PTPRM: variants seen among roughly 807,000 people sequenced by gnomAD.
PTPRM encodes protein tyrosine phosphatase receptor type M.
Under a neutral mutation model 186.7 loss-of-function variants are expected in PTPRM, and 47 were observed. That is an observed-to-expected ratio of 0.25 (90% confidence interval 0.20 to 0.32). The LOEUF (loss-of-function observed/expected upper bound fraction) is 0.32, where lower values mean the gene tolerates loss of function less well. Among genes scored for constraint, PTPRM ranks in the 10% least tolerant of loss-of-function variants. The pLI, the probability that PTPRM is intolerant of heterozygous loss-of-function variation, is 1.00. For synonymous variants in PTPRM, 668 were observed against 674.9 expected (o/e 0.99, Z 0.16); for missense variants, 1,494 against 1,865.0 (o/e 0.80, Z 3.66).
At chr18:7,594,042 G>A (rs1262772540) in intron 1 of PTPRM, among the ~76,000 whole-genome samples, 1 of 152,132 alleles carries the variant, frequency 6.6e-6, no homozygotes, top group Non-Finnish European at 1.5e-5. Flanking sequence ...AAGTAGCTTT[G>A]TCACTCTATA....
intron 1 of PTPRM, among the ~76,000 whole-genome samples, chr18:7,663,185 G>A (rs982790397): frequency 1.2e-4 from 18 of 152,266 alleles, no homozygotes; most frequent in African/African-American, 4.1e-4. Flanking sequence ...ATGGACATAA[G>A]GAAAGGTCAC....
intron 1 of PTPRM, among the ~76,000 whole-genome samples, chr18:7,608,746 T>C (rs112147027): frequency 3.7e-4 from 56 of 152,272 alleles, no homozygotes; most frequent in Admixed American, 6.5e-4. Flanking sequence ...GACAACCACA[T>C]CCAACTGCCC....
chr18:8,021,534 G>A (rs986047780), intron 7 of PTPRM, among the ~76,000 whole-genome samples: 3 of 151,738 alleles, frequency 2.0e-5, no homozygotes, highest in African/African-American at 4.8e-5. Context: ...CCCACTCCTC[G>A]AAAGGCCCTG....
intron 9 of PTPRM, among the ~76,000 whole-genome samples, chr18:8,082,521 C>T (rs970260778): frequency 2.8e-5 from 4 of 144,200 alleles, no homozygotes; most frequent in African/African-American, 7.7e-5. Flanking sequence ...CTCCCTCTCA[C>T]CCTCCCTCCC....
chr18:7,805,615 A>G (rs2044196008), intron 2 of PTPRM, among the ~76,000 whole-genome samples: 1 of 152,196 alleles, frequency 6.6e-6, no homozygotes, highest in Non-Finnish European at 1.5e-5. Context: ...TTTACTCAAT[A>G]CTTACTTGTT....
At chr18:8,137,348 C>G in intron 13 of PTPRM, among the ~76,000 whole-genome samples, 1 of 152,200 alleles carries the variant, frequency 6.6e-6, no homozygotes, top group South Asian at 2.1e-4. Context: ...ACAGCCCCAG[C>G]TGGCCATGTA....
intron 32 of PTPRM, chr18:8,403,730 T>C: frequency 6.6e-6 from 1 of 152,178 alleles, no homozygotes; most frequent in Non-Finnish European, 1.5e-5. Context: ...CACTCCCCAT[T>C]ACCCACTTCC....
chr18:8,122,989 T>C (rs2092228667), intron 13 of PTPRM, among the ~76,000 whole-genome samples: 1 of 152,236 alleles, frequency 6.6e-6, no homozygotes, highest in African/African-American at 2.4e-5. Flanking sequence ...CTTAGAGTCA[T>C]GGAGTTGAAC....
At chr18:8,028,420 G>C (rs2085716011) in intron 7 of PTPRM, among the ~76,000 whole-genome samples, 1 of 152,120 alleles carries the variant, frequency 6.6e-6, no homozygotes. Context: ...CATAATGCTT[G>C]GGCCCTTAGT....
chr18:8,174,604 C>T (rs1010885564), intron 14 of PTPRM, among the ~76,000 whole-genome samples: 3 of 151,930 alleles, frequency 2.0e-5, no homozygotes, highest in Non-Finnish European at 2.9e-5. Context: ...CAGTAAGAGG[C>T]GAGGGAAATC....
At chr18:8,079,659 T>A (rs974900770) in intron 9 of PTPRM, among the ~76,000 whole-genome samples, 1 of 152,126 alleles carries the variant, frequency 6.6e-6, no homozygotes, top group African/African-American at 2.4e-5. Context: ...ACCAGATTCA[T>A]GATCTAAACA....
intron 32 of PTPRM, among the ~76,000 whole-genome samples, chr18:8,399,253 C>G (rs2095859873): frequency 6.6e-6 from 1 of 152,192 alleles, no homozygotes; most frequent in African/African-American, 2.4e-5. Flanking sequence ...ACTTCTTTAT[C>G]ATGGCAGCTC....
At chr18:8,384,459 TAA>T in intron 29 of PTPRM, 100 bp from the exon 30 acceptor site, 2 of 1,323,910 alleles carry the variant, frequency 1.5e-6, no homozygotes, top group South Asian at 1.3e-5. Flanking sequence ...CCCTATCTCT[TAA>T]AAAAAAAGGA....
At chr18:8,139,079 C>A (rs1055894338) in intron 13 of PTPRM, among the ~76,000 whole-genome samples, 1 of 152,160 alleles carries the variant, frequency 6.6e-6, no homozygotes, top group African/African-American at 2.4e-5. Flanking sequence ...GATCTCTCCC[C>A]TGTATATCCA....
chr18:8,089,111 TGAG>T (rs2090581326), intron 11 of PTPRM, among the ~76,000 whole-genome samples: 1 of 152,148 alleles, frequency 6.6e-6, no homozygotes, highest in South Asian at 2.1e-4. Context: ...ACTAGTCTGT[TGAG>T]GAGGTAGTTT....
chr18:7,696,724 C>T (rs1237499721), intron 1 of PTPRM, among the ~76,000 whole-genome samples: 4 of 152,296 alleles, frequency 2.6e-5, no homozygotes, highest in East Asian at 1.9e-4. Context: ...CACGGTGTCC[C>T]GTCTGTTCTT....
intron 20 of PTPRM, among the ~76,000 whole-genome samples, chr18:8,301,636 G>T (rs901962732): frequency 2.0e-5 from 3 of 152,234 alleles, no homozygotes; most frequent in Non-Finnish European, 4.4e-5. Flanking sequence ...ACAGATATTT[G>T]CTGAGTGCCT....
intron 6 of PTPRM, among the ~76,000 whole-genome samples, chr18:7,951,660 C>A (rs745437012): frequency 1.3e-5 from 2 of 152,112 alleles, no homozygotes; most frequent in Non-Finnish European, 2.9e-5. Context: ...TGACAATTTG[C>A]ATGCAGTTAG....
chr18:8,211,802 A>C (rs1319178455), intron 14 of PTPRM, among the ~76,000 whole-genome samples: 1 of 151,998 alleles, frequency 6.6e-6, no homozygotes, highest in Admixed American at 6.5e-5. Context: ...ACAGAGGGGG[A>C]GGCATGAAAT....
Sources: allele counts gnomAD v4.1 joint callset (sites outside exome capture counted in the v4.1 genomes callset), GRCh38; gene constraint gnomAD v4.1.1; transcripts MANE v1.5; gene names NCBI Gene and HGNC (gene_info 2026-07-23, HGNC 2026-07-21).